The following COL1A2 variants were observed in gnomAD, a reference collection of about 807,000 sequenced individuals.
COL1A2 encodes collagen type I alpha 2 chain, also known as collagen alpha-2(I) chain.
In COL1A2, 49 loss-of-function variants were observed where a neutral mutation model predicts 174.3. That is an observed-to-expected ratio of 0.28 (90% confidence interval 0.22 to 0.36). The LOEUF (loss-of-function observed/expected upper bound fraction) is 0.36, where lower values mean the gene tolerates loss of function less well. Among genes scored for constraint, COL1A2 ranks in the 10% least tolerant of loss-of-function variants. COL1A2 has a pLI of 1.00. For synonymous variants in COL1A2, 655 were observed against 606.6 expected, an observed-to-expected ratio of 1.08 and a Z score of -1.17; for missense variants, 1,438 against 1,822.7, an observed-to-expected ratio of 0.79 and a Z score of 3.84.
At chr7:94,425,442 A>G (rs1792252943) in intron 42 of COL1A2, 168 bp from the exon 43 acceptor site, 1 of 860,856 alleles carries the variant, frequency 1.2e-6, no homozygotes, top group Non-Finnish European at 1.9e-6. Context: ...TATTTAAAAC[A>G]TCTCTAAAAA....
At position 94,424,458 on chromosome 7, in the gene COL1A2, G is replaced by A. The variant is rs1338489166; in HGVS notation, c.2673+15G>A. On this transcript the variant is annotated intron_variant, in intron 41 of 51. Coordinates refer to ENST00000297268, the MANE Select transcript of COL1A2 (RefSeq NM_000089.4). The stretch of plus-strand genomic sequence containing the variant: ...CTGGTGCTGTGGTGAGTGCTTGACA[G>A]TATTCTGACTCCATTAACATAAGAA... 5 of 1,605,232 alleles carry A rather than the reference G, an allele frequency of 3.1e-6. No individual in the cohort carries two copies. The East Asian group carries it at 1.1e-4, about 36-fold the overall frequency.
intron 50 of COL1A2, among the ~76,000 whole-genome samples, chr7:94,428,694 T>A (rs1792337202): frequency 6.6e-6 from 1 of 152,210 alleles, no homozygotes; most frequent in South Asian, 2.1e-4. Flanking sequence ...TTGACTTAAT[T>A]GGTAATCATT....
chr7:94,404,684 T>G lies in COL1A2; in HGVS notation c.325-9T>G, dbSNP rs769542796. 1.2e-6 allele frequency: 2 copies of G among 1,614,062 alleles called. No homozygotes were observed. The stretch of plus-strand genomic sequence containing the variant: ...AGGCTTGGAGTATGACATTCTTTTT[T>G]TCTTTTAGGGCCCTCAAGGTTTCCA... On this transcript the variant is annotated splice_polypyrimidine_tract_variant and intron_variant, in intron 7 of 51. Coordinates refer to ENST00000297268, the MANE Select transcript of COL1A2 (RefSeq NM_000089.4).
rs1211655581 is a variant in COL1A2, at chr7:94,425,142, C to T, written c.2699C>T (p.Ala900Val). The T allele has an allele frequency of 6.2e-7, 1 of 1,614,016 alleles. No homozygotes were observed. Among genetic ancestry groups the T allele is most frequent in the Non-Finnish European group, 8.5e-7 (1 of 1,179,976 alleles). ...GGTGAACCTGGTCCTCTTGGCATTG[C>T]CGGCCCTCCTGGGGCCCGTGGTCCT... The part of the protein sequence containing the change: ...AVGEPGPLGI[A>V]GPPGARGPPG... Residue 900 changes from alanine to valine, a missense_variant, in exon 42 of 52, where the codon GCC (alanine) becomes GTC (valine). Coordinates refer to ENST00000297268, the MANE Select transcript of COL1A2 (RefSeq NM_000089.4).
intron 13 of COL1A2, 59 bp downstream of exon 13, chr7:94,407,950 T>C (rs1791836475): frequency 6.7e-7 from 1 of 1,488,540 alleles, no homozygotes; most frequent in Non-Finnish European, 9.4e-7. Flanking sequence ...GAGATGGAAC[T>C]TCTTTAATGT....
At chr7:94,426,926 C>A in intron 46 of COL1A2, 82 bp from the exon 47 acceptor site, 1 of 1,225,768 alleles carries the variant, frequency 8.2e-7, no homozygotes. Context: ...ACTAAAGTTT[C>A]CCATTCAATT....
At chr7:94,406,143 A>T in intron 11 of COL1A2, 107 bp from the exon 12 acceptor site, 1 of 1,149,866 alleles carries the variant, frequency 8.7e-7, no homozygotes, top group Non-Finnish European at 1.3e-6. Context: ...CTACTGCAGC[A>T]GACAAGACTT....
intron 38 of COL1A2, chr7:94,421,308 C>G: frequency 1.8e-6 from 1 of 569,184 alleles, no homozygotes; most frequent in South Asian, 2.1e-5. Context: ...ATTGTAAAGT[C>G]GGAAAAAATA....
At chr7:94,418,403 A>T in intron 32 of COL1A2, 96 bp from the exon 33 acceptor site, 1 of 944,134 alleles carries the variant, frequency 1.1e-6, no homozygotes, top group Non-Finnish European at 1.7e-6. Flanking sequence ...TGAAGGTATC[A>T]TAGCATCTTC....
rs865965409 is a variant in COL1A2 at position 94,411,077 on chromosome 7, G to A, written c.1273G>A (p.Ala425Thr). The A allele has an allele frequency of 3.1e-6, 5 of 1,601,166 alleles. No homozygotes were observed. The highest frequency in any genetic ancestry group is 2.2e-5 in the East Asian group (1 of 44,632). The change falls in exon 23 of 52, where the codon GCA becomes ACA. Residue 425 changes from alanine to threonine, a missense_variant. By Grantham distance (58) the Ala-to-Thr change is moderately conservative (BLOSUM62 0). Coordinates refer to ENST00000297268, the MANE Select transcript of COL1A2 (RefSeq NM_000089.4). ...GVMGPPGSRG[A>T]SGPAGVRGPN... ...ATAGGGCCCTCCTGGTAGTCGTGGT[G>A]CAAGTGGCCCTGCTGGAGTCCGAGG... is the stretch of plus-strand genomic sequence containing the variant.
In COL1A2 at chr7:94,408,761, T is replaced by G; in HGVS notation, c.739-9T>G. The G allele has an allele frequency of 6.2e-7, 1 of 1,614,140 alleles. No individual in the cohort carries two copies. ...GGAAATTTCTTACCACCTTCTGCTT[T>G]GATTTCAGGGTCCCATTGGGTCTGC... is the stretch of plus-strand genomic sequence containing the variant. On this transcript the variant is annotated splice_polypyrimidine_tract_variant and intron_variant, in intron 15 of 51. Coordinates refer to ENST00000297268, the MANE Select transcript of COL1A2 (RefSeq NM_000089.4).
chr7:94,422,875 T>G, intron 39 of COL1A2, 82 bp from the exon 40 acceptor site: 1 of 1,516,866 alleles, frequency 6.6e-7, no homozygotes, highest in Non-Finnish European at 9.2e-7. Flanking sequence ...TGTTTGCATC[T>G]TAAGATCTAG....
intron 50 of COL1A2, 102 bp downstream of exon 50, chr7:94,428,579 A>T: frequency 3.5e-6 from 4 of 1,143,376 alleles, no homozygotes; most frequent in Non-Finnish European, 5.1e-6. Context: ...TGGGCTTATT[A>T]AAAAAAGACC....
rs983048164 is a variant in COL1A2 at position 94,420,222 on chromosome 7, T to C, written c.2080-11T>C. ...GGCACATTAACAGATTCATCTTTGG[T>C]CCCATTATAGGGCGAAGCTGGGGCT... On this transcript the variant is annotated splice_polypyrimidine_tract_variant and intron_variant, in intron 34 of 51. Transcript: ENST00000297268. The C allele has an allele frequency of 2.5e-6, 4 of 1,613,088 alleles. No homozygotes were observed. The highest frequency in any genetic ancestry group is 2.5e-6 in the Non-Finnish European group (3 of 1,180,028).
intron 45 of COL1A2, 33 bp downstream of exon 45, chr7:94,426,084 T>A: frequency 6.3e-7 from 1 of 1,577,248 alleles, no homozygotes; most frequent in Non-Finnish European, 8.7e-7. Flanking sequence ...TTTGCAACAC[T>A]AACATTTAGA....
chr7:94,409,706 T>C lies in COL1A2; in HGVS notation c.937-17T>C. The C allele has an allele frequency of 1.9e-6, 3 of 1,614,070 alleles. No homozygotes were observed. The highest frequency in any genetic ancestry group is 2.5e-6 in the Non-Finnish European group (3 of 1,179,938). On this transcript the variant is annotated splice_polypyrimidine_tract_variant and intron_variant, in intron 18 of 51. Transcript: ENST00000297268. ...CCATCACCTCCCTAATGGACCACAC[T>C]GCATTTTCCTTCACAGGGCCTTCCC...
intron 26 of COL1A2, 29 bp downstream of exon 26, chr7:94,413,165 T>C (rs780724613): frequency 1.2e-6 from 2 of 1,605,446 alleles, no homozygotes; most frequent in Admixed American, 1.7e-5. Flanking sequence ...ACAGATCTAT[T>C]CACATAGCAT....
chr7:94,429,153 T>G (rs764956752), intron 50 of COL1A2, 35 bp from the exon 51 acceptor site: 33 of 1,535,960 alleles, frequency 2.1e-5, no homozygotes, highest in Non-Finnish European at 2.9e-5. Flanking sequence ...TGAGTCCTTC[T>G]CCACTTAACT....
In COL1A2 at chr7:94,427,067, T is replaced by TGGAC; in HGVS notation, c.3159+7_3159+10dup. On this transcript the variant is annotated splice_region_variant and intron_variant, in intron 47 of 51. Coordinates refer to ENST00000297268, the MANE Select transcript of COL1A2 (RefSeq NM_000089.4). ...TGGGTCCTGCTGGTCCTAGGGTAGG[T>TGGAC]GGACTCAAGAGAAGACAGTTCATCT... 6.2e-7 allele frequency: 1 copy of TGGAC among 1,613,820 alleles called. No individual in the cohort carries two copies. Among genetic ancestry groups the TGGAC allele is most frequent in the Non-Finnish European group, 8.5e-7 (1 of 1,179,836 alleles).
Sources: allele counts gnomAD v4.1 joint callset (sites outside exome capture counted in the v4.1 genomes callset), GRCh38; gene constraint gnomAD v4.1.1; transcripts MANE v1.5; gene names NCBI Gene and HGNC (gene_info 2026-07-23, HGNC 2026-07-21).